The following UBE2G2 variants were observed in gnomAD, a reference collection of about 807,000 sequenced individuals.
The protein encoded by UBE2G2 is ubiquitin-conjugating enzyme E2 G2.
A neutral mutation model predicts 23.0 loss-of-function variants in UBE2G2; 10 were observed. That is an observed-to-expected ratio of 0.43 (90% CI 0.27 to 0.74). UBE2G2 has a LOEUF of 0.74. UBE2G2 is among the 30% of genes least tolerant of loss of function. The pLI is 0.19. For missense variants in UBE2G2, 150 were observed against 218.3 expected (o/e 0.69, Z 1.97); for synonymous variants, 86 against 81.3 (o/e 1.06, Z -0.31).
intron 4 of UBE2G2, chr21:44,774,027 G>T: frequency 4.9e-6 from 1 of 203,454 alleles, no homozygotes. Flanking sequence ...TATCTAATGT[G>T]ATTAGGATTA....
chr21:44,784,194 G>A (rs995237197), intron 3 of UBE2G2, among the ~76,000 whole-genome samples: 5 of 151,956 alleles, frequency 3.3e-5, no homozygotes, highest in Non-Finnish European at 5.9e-5. Flanking sequence ...GGGAAGAAAG[G>A]AGGGGAGAAA....
intron 1 of UBE2G2, among the ~76,000 whole-genome samples, chr21:44,794,529 CTTT>C (rs1471157208): frequency 7.7e-5 from 11 of 143,364 alleles, no homozygotes; most frequent in African/African-American, 2.6e-4. Context: ...AAAAACCCTT[CTTT>C]TTTTGTTTTT....
intron 4 of UBE2G2, chr21:44,775,484 T>C (rs2082906895): frequency 6.6e-6 from 1 of 152,234 alleles, no homozygotes; most frequent in Admixed American, 6.5e-5. Flanking sequence ...TTTTATGATA[T>C]TGGTAGACCT....
chr21:44,771,627 T>A lies in UBE2G2; in HGVS notation c.386-138A>T, dbSNP rs1292169045. The A allele has an allele frequency of 1.0e-5, 9 of 896,812 alleles. No homozygotes were observed. Among genetic ancestry groups the A allele is most frequent in the East Asian group, 7.5e-5 (3 of 39,792 alleles). 55.6% of individuals were successfully genotyped at this position (896,812 alleles called of 1,614,324 possible). A position where few individuals can be genotyped will look rare whatever the true frequency, so the allele number is the denominator to read the frequency against. Reference sequence around the variant, plus strand: ...AGAAACAAAGAACCTGAGAACTGCATGGGGTCGGCCCCACCTCTAGAGTGC... The same window carrying A: ...AGAAACAAAGAACCTGAGAACTGCAAGGGGTCGGCCCCACCTCTAGAGTGC... On this transcript the variant is annotated intron_variant, in intron 5 of 5. Coordinates refer to ENST00000345496, the MANE Select transcript of UBE2G2 (RefSeq NM_003343.6). The surrounding 1 kb of genome is among the most constrained non-coding windows in gnomAD (Gnocchi z 4.6).
chr21:44,798,709 T>C (rs1555964265), intron 1 of UBE2G2, among the ~76,000 whole-genome samples: 1 of 152,220 alleles, frequency 6.6e-6, no homozygotes, highest in Non-Finnish European at 1.5e-5. Flanking sequence ...TTGCCATTTC[T>C]ACCACACCTG....
chr21:44,773,454 A>G (rs1555960164), intron 5 of UBE2G2, 93 bp downstream of exon 5: 1 of 1,455,506 alleles, frequency 6.9e-7, no homozygotes, highest in African/African-American at 1.4e-5. Context: ...CAAATGAGGA[A>G]AAGGACATTC....
At chr21:44,773,896 A>G (rs2082893553) in intron 4 of UBE2G2, 1 of 575,724 alleles carries the variant, frequency 1.7e-6, no homozygotes, top group Non-Finnish European at 2.9e-6. Flanking sequence ...GACAGGCTCC[A>G]GGCTGACCCA....
At chr21:44,782,380 A>C (rs989645548) in intron 3 of UBE2G2, among the ~76,000 whole-genome samples, 54 of 152,366 alleles carry the variant, frequency 3.5e-4, no homozygotes, top group African/African-American at 1.1e-3. Flanking sequence ...ATATCCCTCA[A>C]ACTTATCTAA....
intron 1 of UBE2G2, among the ~76,000 whole-genome samples, chr21:44,799,574 T>G (rs2083119150): frequency 6.6e-6 from 1 of 152,242 alleles, no homozygotes; most frequent in Non-Finnish European, 1.5e-5. Flanking sequence ...GCTCTCAGCC[T>G]TCATAAAACT....
Position 44,771,338 on chromosome 21 carries a change from C to T in UBE2G2, c.*39G>A. On this transcript the variant is annotated 3_prime_UTR_variant, in exon 6 of 6. Coordinates refer to ENST00000345496, the MANE Select transcript of UBE2G2 (RefSeq NM_003343.6). The surrounding 1 kb of genome is among the most constrained non-coding windows in gnomAD (Gnocchi z 4.6). ...AAGTGTGCCGGGGGAGAATGCTGAG[C>T]TGCTTGGCGGTGTGTGCGCGCCTGT... The T allele has an allele frequency of 6.3e-7, 1 of 1,582,810 alleles. No individual in the cohort carries two copies. Among genetic ancestry groups the T allele is most frequent in the Non-Finnish European group, 8.7e-7 (1 of 1,155,354 alleles).
At chr21:44,784,320 G>T (rs1368991) in intron 3 of UBE2G2, among the ~76,000 whole-genome samples, 12,574 of 152,170 alleles carry the variant, frequency 0.083, 646 homozygotes, top group Non-Finnish European at 0.11. Flanking sequence ...TCCATGCCAG[G>T]ATGAAAATTC....
chr21:44,793,819 T>TA (rs1190936557), intron 1 of UBE2G2, among the ~76,000 whole-genome samples: 5 of 152,130 alleles, frequency 3.3e-5, no homozygotes, highest in Non-Finnish European at 7.4e-5. Flanking sequence ...TTGGTGAAGA[T>TA]AAAAAATGTA....
Position 44,770,426 on chromosome 21 carries a change from T to C in UBE2G2, c.*951A>G, listed in dbSNP as rs1049560062. 1 of 152,206 alleles carries C rather than the reference T, an allele frequency of 6.6e-6. No homozygotes were observed. The highest frequency in any genetic ancestry group is 1.5e-5 in the Non-Finnish European group (1 of 68,048). 9.4% of individuals were successfully genotyped at this position (152,206 alleles called of 1,614,324 possible). A position where few individuals can be genotyped will look rare whatever the true frequency, so the allele number is the denominator to read the frequency against. Reference sequence around the variant, plus strand: ...CCTTGTGATCAGCAATAAATTTCTTTTTTCTTTTTGAGACTGAGTCTCGCT... The same window carrying C: ...CCTTGTGATCAGCAATAAATTTCTTCTTTCTTTTTGAGACTGAGTCTCGCT... On this transcript the variant is annotated 3_prime_UTR_variant, in exon 6 of 6. Transcript: ENST00000345496.
chr21:44,789,712 A>G (rs1370745336), intron 1 of UBE2G2, among the ~76,000 whole-genome samples: 1 of 152,188 alleles, frequency 6.6e-6, no homozygotes, highest in Non-Finnish European at 1.5e-5. Context: ...AGTTGAAAAG[A>G]GCCACTGTCA....
At chr21:44,781,403 G>A (rs949177696) in intron 3 of UBE2G2, among the ~76,000 whole-genome samples, 4 of 152,178 alleles carry the variant, frequency 2.6e-5, no homozygotes, top group African/African-American at 4.8e-5. Context: ...GCTTCTTGCC[G>A]ATGTTCCCAC....
At position 44,794,756 on chromosome 21, in the gene UBE2G2, C is replaced by G. The variant is rs1555963429; in HGVS notation, c.44-6661G>C. ...TCACCGTGTTAGCCCGGATGGTCTC[C>G]ATCTCCTGACCTCGTGATCCGCCCA... On this transcript the variant is annotated intron_variant, in intron 1 of 5. Coordinates refer to ENST00000345496, the MANE Select transcript of UBE2G2 (RefSeq NM_003343.6). Among the ~76,000 whole-genome samples the G allele has an allele frequency of 1.3e-5, 2 of 152,008 alleles. 1 individual carries two copies. Among genetic ancestry groups the G allele is most frequent in the South Asian group, 4.1e-4 (2 of 4,828 alleles).
rs1378911137 is a variant in UBE2G2 at position 44,771,352 on chromosome 21, G to A, written c.*25C>T. ...AGAATGCTGAGCTGCTTGGCGGTGTGTGCGCGCCTGTGCGAGGCCAGGTCT... is the reference window on the plus strand; with the variant it reads ...AGAATGCTGAGCTGCTTGGCGGTGTATGCGCGCCTGTGCGAGGCCAGGTCT... On this transcript the variant is annotated 3_prime_UTR_variant, in exon 6 of 6. Coordinates refer to ENST00000345496, the MANE Select transcript of UBE2G2 (RefSeq NM_003343.6). This position sits in a 1 kb window ranked among gnomAD's most constrained non-coding sequence, Gnocchi z 4.6. 8 of 1,601,420 alleles carry A rather than the reference G, an allele frequency of 5.0e-6. No homozygotes were observed. The highest frequency in any genetic ancestry group is 6.8e-6 in the Non-Finnish European group (8 of 1,171,242).
chr21:44,773,639 TCGCCTGG>T lies in UBE2G2; in HGVS notation c.286_292del (p.Pro96MetfsTer27). Reference sequence around the variant, plus strand: ...GCTGCTCTCGTAGCCCATGGGGTCATCGCCTGGCGCGTGGAGGATGGAAATGCAGACT... The same window carrying T: ...GCTGCTCTCGTAGCCCATGGGGTCATCGCGTGGAGGATGGAAATGCAGACT... On this transcript the variant is annotated frameshift_variant, in exon 5 of 6. Transcript: ENST00000345496. LOFTEE classifies it high-confidence loss of function. 6.2e-7 allele frequency: 1 copy of T among 1,612,774 alleles called. No individual in the cohort carries two copies. The highest frequency in any genetic ancestry group is 8.5e-7 in the Non-Finnish European group (1 of 1,180,018).
At chr21:44,788,202 C>G in intron 1 of UBE2G2, 107 bp from the exon 2 acceptor site, 1 of 1,050,976 alleles carries the variant, frequency 9.5e-7, no homozygotes, top group Non-Finnish European at 1.3e-6. Context: ...ATAGAATATG[C>G]ATATTAACAA....
Sources: allele counts gnomAD v4.1 joint callset (sites outside exome capture counted in the v4.1 genomes callset), GRCh38; gene constraint gnomAD v4.1.1; non-coding constraint Gnocchi (gnomAD v3.1); transcripts MANE v1.5; gene names NCBI Gene and HGNC (gene_info 2026-07-23, HGNC 2026-07-21).